CEP112: variants seen among roughly 807,000 people sequenced by gnomAD.
CEP112 encodes centrosomal protein 112.
A neutral mutation model predicts 153.0 loss-of-function variants in CEP112; 127 were observed. That is an observed-to-expected ratio of 0.83 (90% CI 0.72 to 0.96). The LOEUF (loss-of-function observed/expected upper bound fraction) is 0.96, where lower values mean the gene tolerates loss of function less well. Among genes scored for constraint, CEP112 ranks in the 40% least tolerant of loss-of-function variants. The probability of loss-of-function intolerance (pLI) is 0.00; values close to 1 mark genes in which losing one functional copy is unlikely to be tolerated. For missense variants in CEP112, 1,089 were observed against 1,101.2 expected, an observed-to-expected ratio of 0.99 and a Z score of 0.16; for synonymous variants, 358 against 374.4, an observed-to-expected ratio of 0.96 and a Z score of 0.51.
At chr17:65,736,724 C>T (rs988611003) in intron 23 of CEP112, among the ~76,000 whole-genome samples, 12 of 152,146 alleles carry the variant, frequency 7.9e-5, no homozygotes, top group South Asian at 6.2e-4. Flanking sequence ...CAGATGTTCA[C>T]GGTCTTCTAA....
intron 4 of CEP112, among the ~76,000 whole-genome samples, chr17:66,169,147 A>G (rs1030048379): frequency 6.6e-6 from 1 of 152,192 alleles, no homozygotes; most frequent in Non-Finnish European, 1.5e-5. Context: ...GAGACAGATT[A>G]AATTATAGTA....
At chr17:66,150,838 T>G (rs190019839) in intron 4 of CEP112, among the ~76,000 whole-genome samples, 21 of 152,356 alleles carry the variant, frequency 1.4e-4, no homozygotes, top group Admixed American at 3.9e-4. Flanking sequence ...TTTGGTACTA[T>G]TAGTTTTTGC....
intron 21 of CEP112, chr17:65,826,328 A>C: frequency 6.2e-7 from 1 of 1,613,588 alleles, no homozygotes; most frequent in Non-Finnish European, 8.5e-7. Context: ...AGATCTCAGA[A>C]GCAGTGATGA....
intron 17 of CEP112, among the ~76,000 whole-genome samples, chr17:65,971,375 TGTAC>T (rs2062788038): frequency 6.6e-6 from 1 of 152,244 alleles, no homozygotes; most frequent in African/African-American, 2.4e-5. Context: ...ATCGCATGTA[TGTAC>T]ATTGCATGTA....
chr17:65,932,293 C>T (rs1026317460), intron 18 of CEP112, among the ~76,000 whole-genome samples: 1 of 151,952 alleles, frequency 6.6e-6, no homozygotes, highest in Admixed American at 6.5e-5. Flanking sequence ...TCTACAAAGG[C>T]CAAAAGAGGA....
At chr17:65,770,444 A>C (rs983135089) in intron 21 of CEP112, among the ~76,000 whole-genome samples, 1 of 152,088 alleles carries the variant, frequency 6.6e-6, no homozygotes, top group East Asian at 1.9e-4. Context: ...GAAAAATTGG[A>C]GAGAATTTGT....
chr17:66,032,734 A>G (rs144418395), intron 12 of CEP112, among the ~76,000 whole-genome samples: 2 of 152,358 alleles, frequency 1.3e-5, no homozygotes, highest in East Asian at 1.9e-4. Flanking sequence ...AAATAAAATC[A>G]GAGGAAAAAT....
intron 8 of CEP112, among the ~76,000 whole-genome samples, chr17:66,089,387 ATTGTT>A (rs960487498): frequency 6.6e-5 from 10 of 152,226 alleles, no homozygotes; most frequent in African/African-American, 2.4e-4. Flanking sequence ...ATTCACACTA[ATTGTT>A]TTAAGGAAGC....
intron 6 of CEP112, among the ~76,000 whole-genome samples, chr17:66,107,354 T>C (rs891515717): frequency 6.6e-6 from 1 of 152,158 alleles, no homozygotes; most frequent in Non-Finnish European, 1.5e-5. Flanking sequence ...AGTCAAATTA[T>C]GCTTGTCTGC....
intron 4 of CEP112, among the ~76,000 whole-genome samples, chr17:66,138,546 G>C (rs1277562714): frequency 2.0e-5 from 3 of 152,124 alleles, no homozygotes; most frequent in Non-Finnish European, 2.9e-5. Context: ...ATATTAAAAG[G>C]TGAAAATCGG....
intron 23 of CEP112, among the ~76,000 whole-genome samples, chr17:65,696,847 G>T (rs2048382380): frequency 1.3e-5 from 2 of 152,018 alleles, no homozygotes; most frequent in East Asian, 1.9e-4. Flanking sequence ...AAAAAAATGA[G>T]GTCATCATAT....
At chr17:65,904,091 G>C (rs2059978215) in intron 19 of CEP112, among the ~76,000 whole-genome samples, 1 of 152,186 alleles carries the variant, frequency 6.6e-6, no homozygotes, top group African/African-American at 2.4e-5. Context: ...AGTATTGGAA[G>C]TTCTGGTCAG....
chr17:65,794,045 T>C (rs1219866042), intron 21 of CEP112, among the ~76,000 whole-genome samples: 1 of 152,316 alleles, frequency 6.6e-6, no homozygotes, highest in South Asian at 2.1e-4. Context: ...TCAACATTTA[T>C]GGAATGCCTG....
At chr17:65,820,215 C>G (rs754370901) in intron 21 of CEP112, among the ~76,000 whole-genome samples, 1 of 152,000 alleles carries the variant, frequency 6.6e-6, no homozygotes, top group Non-Finnish European at 1.5e-5. Context: ...CTCGTGTTAT[C>G]CCCTTTGACT....
intron 4 of CEP112, among the ~76,000 whole-genome samples, chr17:66,163,821 TTTTG>T (rs1342635669): frequency 1.3e-5 from 2 of 152,232 alleles, no homozygotes; most frequent in Non-Finnish European, 2.9e-5. Context: ...TGTTATCCAT[TTTTG>T]TTTATTAAAA....
At chr17:66,150,011 G>A (rs1291203606) in intron 4 of CEP112, among the ~76,000 whole-genome samples, 1 of 143,662 alleles carries the variant, frequency 7.0e-6, no homozygotes, top group Non-Finnish European at 1.5e-5. Flanking sequence ...CTCCTGCCTC[G>A]GCCTCCCGAG....
intron 19 of CEP112, chr17:65,913,643 T>C: frequency 1.0e-6 from 1 of 985,444 alleles, no homozygotes. Context: ...AAGTTTAATG[T>C]TGCTGTGATA....
At chr17:66,132,813 CAG>C in intron 4 of CEP112, 50 bp from the exon 5 acceptor site, 1 of 1,162,776 alleles carries the variant, frequency 8.6e-7, no homozygotes, top group Non-Finnish European at 1.3e-6. Context: ...TCAGAGGACA[CAG>C]AGTATTAGAA....
chr17:65,841,051 A>G (rs1465967901), intron 21 of CEP112, among the ~76,000 whole-genome samples: 1 of 152,094 alleles, frequency 6.6e-6, no homozygotes, highest in African/African-American at 2.4e-5. Context: ...ATTGTTAGTG[A>G]GAATGCAAAT....
Sources: gnomAD v4.1 joint callset for allele counts (sites outside exome capture counted in the v4.1 genomes callset) on GRCh38, gnomAD v4.1.1 for gene constraint, MANE v1.5 for transcripts, NCBI Gene and HGNC (gene_info 2026-07-23, HGNC 2026-07-21) for gene names.